The following HMGB1 variants were observed in gnomAD, a reference collection of about 807,000 sequenced individuals.
The protein encoded by HMGB1 is high mobility group protein B1.
For missense variants in HMGB1, 79 were observed against 253.5 expected (o/e 0.31, Z 4.67); for synonymous variants, 81 against 84.0 (o/e 0.96, Z 0.19).
At chr13:30,505,120 C>T (rs1387108289) in intron 1 of HMGB1, among the ~76,000 whole-genome samples, 3 of 145,558 alleles carry the variant, frequency 2.1e-5, no homozygotes, top group Non-Finnish European at 3.0e-5. Flanking sequence ...ACAGGCGCCG[C>T]CACCATGCCC....
At chr13:30,525,811 G>A (rs1344472082) in intron 1 of HMGB1, among the ~76,000 whole-genome samples, 2 of 150,170 alleles carry the variant, frequency 1.3e-5, no homozygotes, top group Admixed American at 6.7e-5. Context: ...ACCTCCATCT[G>A]GTCTCTCCCT....
chr13:30,563,650 C>T (rs992288081), intron 1 of HMGB1, among the ~76,000 whole-genome samples: 2 of 152,196 alleles, frequency 1.3e-5, no homozygotes, highest in African/African-American at 4.8e-5. Flanking sequence ...AAGCCCATTT[C>T]TTTCTTTTGG....
chr13:30,616,414 C>A (rs1175308305), intron 1 of HMGB1, among the ~76,000 whole-genome samples: 1 of 152,184 alleles, frequency 6.6e-6, no homozygotes, highest in Non-Finnish European at 1.5e-5. Context: ...TTTAACTGAA[C>A]CAATTGTTTT....
chr13:30,493,360 A>G (rs1887541243), intron 1 of HMGB1, among the ~76,000 whole-genome samples: 1 of 152,232 alleles, frequency 6.6e-6, no homozygotes. Flanking sequence ...GTTTTCATTT[A>G]TAGAAAATGC....
intron 1 of HMGB1, 93 bp from the exon 2 acceptor site, chr13:30,463,787 G>A: frequency 1.3e-6 from 1 of 764,630 alleles, no homozygotes; most frequent in East Asian, 2.8e-5. Flanking sequence ...CCAAAGTACT[G>A]GTTATTTAAC....
chr13:30,607,460 GA>G lies in HMGB1; in HGVS notation c.-15+9210del, dbSNP rs369174158. Among the ~76,000 whole-genome samples the G allele has an allele frequency of 1.0e-3, 154 of 152,312 alleles. No individual in the cohort carries two copies. In the East Asian group the frequency reaches 0.019, roughly 19 times the overall value. The stretch of plus-strand genomic sequence containing the variant: ...CTCGCTCTCTTCTGCCACCATGTAA[GA>G]TGTGCCTTGCTTCCCCTTTGCCTTC... On this transcript the variant is annotated intron_variant, in intron 1 of 4. Transcript: ENST00000405805.
chr13:30,461,303 C>CA lies in HMGB1; in HGVS notation c.*53dup, dbSNP rs1717513934. The CA allele has an allele frequency of 6.6e-7, 1 of 1,518,728 alleles. No individual in the cohort carries two copies. Among genetic ancestry groups the CA allele is most frequent in the Admixed American group, 2.3e-5 (1 of 44,314 alleles). 94.1% of individuals were successfully genotyped at this position (1,518,728 alleles called of 1,614,324 possible). A position where few individuals can be genotyped will look rare whatever the true frequency, so the allele number is the denominator to read the frequency against. The stretch of plus-strand genomic sequence containing the variant: ...TTCTTTAAAAGGAGTGAGTTGTGTA[C>CA]AGGGGGGTTAAATGCTTTATAGACA... On this transcript the variant is annotated 3_prime_UTR_variant, in exon 5 of 5. Transcript: ENST00000341423.
At position 30,456,773 on chromosome 13, in the gene HMGB1, T is replaced by A. The variant is rs867789783; in HGVS notation, c.*4584A>T. The A allele has an allele frequency of 2.8e-4, 5 of 17,826 alleles. No homozygotes were observed. Among genetic ancestry groups the A allele is most frequent in the Non-Finnish European group, 3.1e-4 (3 of 9,762 alleles). The allele number at this position is 17,826 out of a possible 1,614,324, so 1.1% of individuals were successfully genotyped here. A position where few individuals can be genotyped will look rare whatever the true frequency, so the allele number is the denominator to read the frequency against. On this transcript the variant is annotated 3_prime_UTR_variant, in exon 5 of 5. Transcript: ENST00000341423. ...AGCTTTTGTGGGCGGGGGGGGGGGG[T>A]GGTGGGGTGCAATTTATCAACATCT...
chr13:30,519,085 T>C (rs939092560), intron 1 of HMGB1, among the ~76,000 whole-genome samples: 3 of 152,002 alleles, frequency 2.0e-5, no homozygotes, highest in Admixed American at 2.0e-4. Context: ...GCTTGAGTAG[T>C]GAGAATTATG....
At chr13:30,562,673 T>G (rs1870012987) in intron 1 of HMGB1, among the ~76,000 whole-genome samples, 1 of 152,164 alleles carries the variant, frequency 6.6e-6, no homozygotes, top group African/African-American at 2.4e-5. Flanking sequence ...GCTACGAATC[T>G]AAGAGGTACA....
In HMGB1 at chr13:30,456,772, G is replaced by GA. The variant is rs58379734; in HGVS notation, c.*4584_*4585insT. ...CAGCTTTTGTGGGCGGGGGGGGGGG[G>GA]TGGTGGGGTGCAATTTATCAACATC... On this transcript the variant is annotated 3_prime_UTR_variant, in exon 5 of 5. Coordinates refer to ENST00000341423, the MANE Select transcript of HMGB1 (RefSeq NM_002128.7). 2 of 80,540 alleles carry GA rather than the reference G, an allele frequency of 2.5e-5. No homozygotes were observed. Among genetic ancestry groups the GA allele is most frequent in the African/African-American group, 1.0e-4 (2 of 19,778 alleles). 5.0% of individuals were successfully genotyped at this position (80,540 alleles called of 1,614,324 possible).
intron 1 of HMGB1, among the ~76,000 whole-genome samples, chr13:30,562,128 C>T (rs1286361605): frequency 2.0e-5 from 3 of 151,972 alleles, no homozygotes; most frequent in Non-Finnish European, 4.4e-5. Context: ...TCATGACTGG[C>T]CTGGTCAACA....
At chr13:30,525,420 G>A (rs1485205932) in intron 1 of HMGB1, among the ~76,000 whole-genome samples, 1 of 152,190 alleles carries the variant, frequency 6.6e-6, no homozygotes, top group Non-Finnish European at 1.5e-5. Flanking sequence ...AGCAAAGGAA[G>A]AGATGAAAGA....
chr13:30,569,314 C>T (rs1231799980), intron 1 of HMGB1, among the ~76,000 whole-genome samples: 4 of 152,238 alleles, frequency 2.6e-5, no homozygotes, highest in African/African-American at 9.6e-5. Context: ...TTTCCACCAA[C>T]TGTGTACTGT....
chr13:30,509,332 G>C (rs927606407), intron 1 of HMGB1, among the ~76,000 whole-genome samples: 7 of 151,564 alleles, frequency 4.6e-5, no homozygotes, highest in African/African-American at 1.7e-4. Context: ...TCTGCCTCCT[G>C]GGTTCATATG....
Position 30,517,600 on chromosome 13 carries a change from G to A in HMGB1, c.-14-53906C>T, listed in dbSNP as rs142614199. On this transcript the variant is annotated intron_variant, in intron 1 of 4. Coordinates refer to the HMGB1 transcript ENST00000405805. ...GTAGAGATGGGGTTTCACCATGTTG[G>A]CCAGGCTCGAACTCCTGACCTCAAA... Among the ~76,000 whole-genome samples the A allele has an allele frequency of 9.6e-3, 1,463 of 152,232 alleles. 15 individuals are homozygous for A. The highest frequency in any genetic ancestry group is 0.016 in the Admixed American group (243 of 15,292).
intron 1 of HMGB1, among the ~76,000 whole-genome samples, chr13:30,538,697 CTTTCTTTTT>C (rs1340096437): frequency 7.0e-4 from 30 of 42,986 alleles, no homozygotes; most frequent in African/African-American, 2.2e-3. Context: ...TTCTTTCTTT[CTTTCTTTTT>C]CTTTCTTTCT....
chr13:30,606,354 T>C (rs2137569762), intron 1 of HMGB1, among the ~76,000 whole-genome samples: 1 of 152,350 alleles, frequency 6.6e-6, no homozygotes, highest in East Asian at 1.9e-4. Context: ...AAGACTCAAC[T>C]GAGCAACTTT....
At chr13:30,545,363 G>GAATATTATTATTATTAATATATT (rs1566021408) in intron 1 of HMGB1, among the ~76,000 whole-genome samples, 1 of 150,452 alleles carries the variant, frequency 6.6e-6, no homozygotes, top group African/African-American at 2.4e-5. Flanking sequence ...GAGAATAACT[G>GAATATTATTATTATTAATATATT]AATATTATTA....
Sources: gnomAD v4.1 joint callset for allele counts (sites outside exome capture counted in the v4.1 genomes callset) on GRCh38, gnomAD v4.1.1 for gene constraint, MANE v1.5 for transcripts, NCBI Gene and HGNC (gene_info 2026-07-23, HGNC 2026-07-21) for gene names.